The following KIAA1671 variants were observed in gnomAD, a reference collection of about 807,000 sequenced individuals.
KIAA1671 encodes the protein uncharacterized protein KIAA1671.
In KIAA1671, 52 loss-of-function variants were observed where a neutral mutation model predicts 131.2. That is an observed-to-expected ratio of 0.40 (90% confidence interval 0.32 to 0.50). KIAA1671 has a LOEUF of 0.50. KIAA1671 is among the 20% of genes least tolerant of loss of function. The pLI is 0.73. For synonymous variants in KIAA1671, 1,003 were observed against 961.6 expected (o/e 1.04, Z -0.80); for missense variants, 2,360 against 2,364.2 (o/e 1.00, Z 0.04).
intron 1 of KIAA1671, among the ~76,000 whole-genome samples, chr22:24,972,141 C>T (rs1602035206): frequency 6.6e-6 from 1 of 152,116 alleles, no homozygotes; most frequent in East Asian, 1.9e-4. Flanking sequence ...GGTAGGCAGG[C>T]AGACCAACAT....
intron 6 of KIAA1671, among the ~76,000 whole-genome samples, chr22:25,104,473 A>G (rs1164426136): frequency 6.6e-6 from 1 of 152,174 alleles, no homozygotes; most frequent in African/African-American, 2.4e-5. Flanking sequence ...GGGATGCCAC[A>G]TGTCCAGAAC....
At chr22:25,093,830 C>CTT (rs1568951556) in intron 6 of KIAA1671, among the ~76,000 whole-genome samples, 1 of 80,338 alleles carries the variant, frequency 1.2e-5, no homozygotes, top group Non-Finnish European at 2.4e-5. Flanking sequence ...CTCTTTCTCT[C>CTT]TCTGTCTGTC....
intron 3 of KIAA1671, among the ~76,000 whole-genome samples, chr22:25,030,339 A>T (rs974937754): frequency 3.9e-5 from 6 of 152,226 alleles, no homozygotes; most frequent in African/African-American, 1.4e-4. Context: ...GTTTGAGACC[A>T]GCCTGGCCAA....
At chr22:25,147,510 A>G (rs1932905037) in intron 6 of KIAA1671, among the ~76,000 whole-genome samples, 7 of 152,104 alleles carry the variant, frequency 4.6e-5, no homozygotes, top group Admixed American at 4.6e-4. Flanking sequence ...GCATTTTATA[A>G]CAATACCCCC....
chr22:25,025,395 G>A (rs1171650565), intron 1 of KIAA1671, among the ~76,000 whole-genome samples: 3 of 152,108 alleles, frequency 2.0e-5, no homozygotes, highest in Admixed American at 1.3e-4. Flanking sequence ...CACACCGTAG[G>A]TGCTTAATAA....
intron 10 of KIAA1671, among the ~76,000 whole-genome samples, chr22:25,184,002 A>G (rs1184946686): frequency 6.6e-6 from 1 of 152,230 alleles, no homozygotes; most frequent in African/African-American, 2.4e-5. Flanking sequence ...GCTGAGGCAG[A>G]TCTTGGGATT....
chr22:25,178,876 C>A (rs1197016249), intron 9 of KIAA1671, among the ~76,000 whole-genome samples: 1 of 152,240 alleles, frequency 6.6e-6, no homozygotes, highest in Admixed American at 6.5e-5. Flanking sequence ...TGGGGAGCCC[C>A]TTCCTCCTGG....
chr22:25,066,771 C>G (rs919723907), intron 6 of KIAA1671, among the ~76,000 whole-genome samples: 1 of 149,046 alleles, frequency 6.7e-6, no homozygotes, highest in Non-Finnish European at 1.5e-5. Context: ...TGGGCAAAGT[C>G]TTTATGGGTG....
chr22:25,050,205 G>A (rs1366548956), intron 6 of KIAA1671: 2 of 152,382 alleles, frequency 1.3e-5, no homozygotes, highest in African/African-American at 4.8e-5. Flanking sequence ...CTTGTGAAAG[G>A]AGGTGAGTAC....
At chr22:24,957,852 A>AT (rs753261110) in intron 1 of KIAA1671, among the ~76,000 whole-genome samples, 3 of 146,536 alleles carry the variant, frequency 2.0e-5, no homozygotes, top group Non-Finnish European at 3.0e-5. Flanking sequence ...TAATTTTGTT[A>AT]TTTTTATTAG....
At chr22:25,176,321 G>A (rs1934025700) in intron 8 of KIAA1671, 1 of 152,220 alleles carries the variant, frequency 6.6e-6, no homozygotes, top group African/African-American at 2.4e-5. Context: ...ATGATTCATT[G>A]AAATTAGCCT....
chr22:25,181,837 C>T lies in KIAA1671; in HGVS notation c.5199+14C>T. 1 of 1,549,526 alleles carries T rather than the reference C, an allele frequency of 6.5e-7. No homozygotes were observed. Among genetic ancestry groups the T allele is most frequent in the Non-Finnish European group, 8.7e-7 (1 of 1,145,418 alleles). On this transcript the variant is annotated intron_variant, in intron 10 of 12. Transcript: ENST00000358431. ...GCAGTGCTAAAGGTACCAGACCTCTCACCAAGAGTCACCTGGTGGGCATGA... is the reference window on the plus strand; with the variant it reads ...GCAGTGCTAAAGGTACCAGACCTCTTACCAAGAGTCACCTGGTGGGCATGA...
intron 1 of KIAA1671, among the ~76,000 whole-genome samples, chr22:24,984,577 G>A (rs1923415920): frequency 6.6e-6 from 1 of 152,188 alleles, no homozygotes; most frequent in Non-Finnish European, 1.5e-5. Flanking sequence ...AACTTAATAA[G>A]CGTGGAATTA....
intron 6 of KIAA1671, among the ~76,000 whole-genome samples, chr22:25,143,191 G>C (rs1384546341): frequency 6.6e-6 from 1 of 152,358 alleles, no homozygotes; most frequent in South Asian, 2.1e-4. Context: ...CCTTCAGGGA[G>C]TTGCCAGTCA....
At position 25,039,300 on chromosome 22, in the gene KIAA1671, C is replaced by A. The variant is rs1275906089; in HGVS notation, c.2170C>A (p.Pro724Thr). Reference sequence around the variant, plus strand: ...CTTCCTCAAACACTTGGAAAATCCTCCCACATCGCAGAGAATTGAGCCCAG... The same window carrying A: ...CTTCCTCAAACACTTGGAAAATCCTACCACATCGCAGAGAATTGAGCCCAG... ...NTFLKHLENP[P>T]TSQRIEPRYD... The change falls in exon 5 of 13, where the codon CCC becomes ACC. Residue 724 changes from proline (P) to threonine (T), a missense_variant. Coordinates refer to ENST00000358431, the MANE Select transcript of KIAA1671 (RefSeq NM_001145206.2). 1.3e-6 allele frequency: 2 copies of A among 1,552,220 alleles called. No individual in the cohort carries two copies. The highest frequency in any genetic ancestry group is 4.9e-5 in the East Asian group (2 of 40,922).
At chr22:25,140,203 T>C (rs1932786373) in intron 6 of KIAA1671, among the ~76,000 whole-genome samples, 1 of 152,134 alleles carries the variant, frequency 6.6e-6, no homozygotes, top group African/African-American at 2.4e-5. Flanking sequence ...ATTCATTTCC[T>C]TGGGGTAGAG....
chr22:25,103,380 A>G (rs1349081617), intron 6 of KIAA1671, among the ~76,000 whole-genome samples: 1 of 151,280 alleles, frequency 6.6e-6, no homozygotes, highest in Non-Finnish European at 1.5e-5. Context: ...CCGGCTAAAG[A>G]CGGAGTCTTG....
chr22:25,015,227 T>TAAAA (rs3063199), intron 1 of KIAA1671, among the ~76,000 whole-genome samples: 2 of 115,822 alleles, frequency 1.7e-5, no homozygotes, highest in African/African-American at 3.4e-5. Flanking sequence ...CCTTGTCCCT[T>TAAAA]AAAAAAAAAA....
Position 25,040,640 on chromosome 22 carries a change from A to G in KIAA1671, c.3510A>G (p.Pro1170=). The G allele has an allele frequency of 2.6e-6, 4 of 1,551,962 alleles. No homozygotes were observed. The highest frequency in any genetic ancestry group is 3.5e-6 in the Non-Finnish European group (4 of 1,147,048). ...PQTTPTLRSR[P]KDLPVRRKTD... ...CCACCCCGACTCTGAGGAGTCGTCC[A>G]AAAGATCTTCCTGTGAGAAGGAAGA... Residue 1170 remains proline (P), a synonymous_variant, in exon 5 of 13, where the codon CCA becomes CCG. Transcript: ENST00000358431.
Sources: allele counts gnomAD v4.1 joint callset (sites outside exome capture counted in the v4.1 genomes callset), GRCh38; gene constraint gnomAD v4.1.1; transcripts MANE v1.5; gene names NCBI Gene and HGNC (gene_info 2026-07-23, HGNC 2026-07-21).